Variants in PPP1R1C observed in about 807,000 individuals in gnomAD.
PPP1R1C encodes protein phosphatase 1 regulatory inhibitor subunit 1C.
A neutral mutation model predicts 17.4 loss-of-function variants in PPP1R1C; 15 were observed. The ratio of observed to expected loss-of-function variants is 0.86; its 90% CI spans 0.58 to 1.33. The LOEUF is 1.33. Ranked by LOEUF, PPP1R1C falls within the 40% of genes most tolerant of loss-of-function variation. The pLI is 0.00. For synonymous variants in PPP1R1C, 35 were observed against 43.1 expected, an observed-to-expected ratio of 0.81 and a Z score of 0.73; for missense variants, 143 against 130.0, an observed-to-expected ratio of 1.10 and a Z score of -0.48.
intron 4 of PPP1R1C, among the ~76,000 whole-genome samples, chr2:182,109,528 TG>T (rs952506151): frequency 2.0e-5 from 3 of 152,192 alleles, no homozygotes; most frequent in African/African-American, 7.2e-5. Flanking sequence ...AAGAGTGTAG[TG>T]TCTGAATCTA....
intron 2 of PPP1R1C, among the ~76,000 whole-genome samples, chr2:182,005,875 T>G (rs1433719383): frequency 6.6e-6 from 1 of 152,196 alleles, no homozygotes; most frequent in Non-Finnish European, 1.5e-5. Flanking sequence ...TTCAGTTTAC[T>G]CACATGTAAA....
chr2:181,989,062 A>G lies in PPP1R1C; in HGVS notation c.142+1163A>G, dbSNP rs1325290698. ...TTCTAAAATAAATACAAGTATAAAG[A>G]TAAGTCTTCTCGATTTGGGGGTAAT... On this transcript the variant is annotated intron_variant, in intron 2 of 4. Coordinates refer to ENST00000682840, the MANE Select transcript of PPP1R1C (RefSeq NM_001080545.3). 2.6e-5 allele frequency among the ~76,000 whole-genome samples: 4 copies of G among 152,330 alleles called. No individual in the cohort carries two copies. The East Asian group carries it at 5.8e-4, about 22-fold the overall frequency.
chr2:182,028,055 A>T (rs1686679923), intron 2 of PPP1R1C, among the ~76,000 whole-genome samples: 1 of 128,692 alleles, frequency 7.8e-6, no homozygotes, highest in African/African-American at 3.0e-5. Context: ...ATCGGTGGTG[A>T]TATCCCCTTT....
chr2:182,011,695 G>A (rs1011795784), intron 2 of PPP1R1C, among the ~76,000 whole-genome samples: 10 of 152,026 alleles, frequency 6.6e-5, no homozygotes, highest in African/African-American at 2.2e-4. Flanking sequence ...AGTTCCTTAA[G>A]ATGCATTGTA....
At chr2:182,093,151 C>G (rs988840890) in intron 4 of PPP1R1C, among the ~76,000 whole-genome samples, 2 of 152,146 alleles carry the variant, frequency 1.3e-5, no homozygotes, top group African/African-American at 2.4e-5. Context: ...GTTCCCAAAC[C>G]ACAATTCTTG....
intron 2 of PPP1R1C, among the ~76,000 whole-genome samples, chr2:182,003,157 T>A (rs1012178807): frequency 6.6e-6 from 1 of 152,138 alleles, no homozygotes; most frequent in African/African-American, 2.4e-5. Context: ...GATAAAGATA[T>A]TTGCAATTTG....
At chr2:182,036,685 G>GTC (rs924048841) in intron 2 of PPP1R1C, among the ~76,000 whole-genome samples, 5 of 151,600 alleles carry the variant, frequency 3.3e-5, no homozygotes, top group African/African-American at 7.3e-5. Flanking sequence ...CATTCTCTCT[G>GTC]TCTCTCTCTC....
chr2:182,108,996 C>G (rs190341249), intron 4 of PPP1R1C, among the ~76,000 whole-genome samples: 1 of 152,172 alleles, frequency 6.6e-6, no homozygotes. Flanking sequence ...TCTTCGCTAG[C>G]ATTTCTCAGT....
At position 182,117,676 on chromosome 2, in the gene PPP1R1C, A is replaced by G. The variant is rs144388414; in HGVS notation, c.*381A>G. The G allele has an allele frequency of 0.018, 2,853 of 157,048 alleles. 44 individuals are homozygous for G. The highest frequency in any genetic ancestry group is 0.063 in the South Asian group (350 of 5,512). The allele number at this position is 157,048 out of a possible 1,614,324, so 9.7% of individuals were successfully genotyped here. ...CTTTAAGAGTAAAAAATAAATAGTA[A>G]ACACATTTAGACATGAGTGTGTGTG... On this transcript the variant is annotated 3_prime_UTR_variant, in exon 5 of 5. Coordinates refer to ENST00000682840, the MANE Select transcript of PPP1R1C (RefSeq NM_001080545.3).
At position 181,986,164 on chromosome 2, in the gene PPP1R1C, T is replaced by A. The variant is rs1685291642; in HGVS notation, c.54T>A (p.Ser18Arg). The change falls in exon 1 of 5, where the codon AGT (serine) becomes AGA (arginine). Residue 18 changes from serine (S) to arginine (R), a missense_variant. By Grantham distance (110) the Ser-to-Arg change is moderately radical. Coordinates refer to ENST00000682840, the MANE Select transcript of PPP1R1C (RefSeq NM_001080545.3). ...AGTTTGCCGTGCCTGTATTCCAGAG[T>A]CAGATTGCACCTGAAGCAGCAGAGC... ...KIQFAVPVFQ[S>R]QIAPEAAEQI... 1.2e-6 allele frequency: 2 copies of A among 1,613,638 alleles called. No individual in the cohort carries two copies. The highest frequency in any genetic ancestry group is 1.7e-6 in the Non-Finnish European group (2 of 1,179,640).
At chr2:181,997,122 C>A (rs1041408358) in intron 2 of PPP1R1C, among the ~76,000 whole-genome samples, 1 of 151,420 alleles carries the variant, frequency 6.6e-6, no homozygotes, top group African/African-American at 2.4e-5. Context: ...CCAGCTACTC[C>A]GGAGGCTGAG....
At position 181,961,661 on chromosome 2, in the gene PPP1R1C, G is replaced by A. The variant is rs1203028009; in HGVS notation, n.111+7027G>A. 1.3e-6 allele frequency: 1 copy of A among 754,558 alleles called. No homozygotes were observed. Among genetic ancestry groups the A allele is most frequent in the East Asian group, 2.4e-5 (1 of 40,832 alleles). 46.7% of individuals were successfully genotyped at this position (754,558 alleles called of 1,614,324 possible). A position where few individuals can be genotyped will look rare whatever the true frequency, so the allele number is the denominator to read the frequency against. On this transcript the variant is annotated intron_variant and non_coding_transcript_variant, in intron 1 of 5. Transcript: ENST00000464264. This position sits in a 1 kb window ranked among gnomAD's most constrained non-coding sequence, Gnocchi z 5.8. ...ACCACTGTGGTGCTCTTCTCAATCT[G>A]CTGAGACCAGCACTTGTCCAGCTCC...
At chr2:182,012,669 T>C (rs1686119754) in intron 2 of PPP1R1C, among the ~76,000 whole-genome samples, 2 of 152,096 alleles carry the variant, frequency 1.3e-5, no homozygotes, top group Non-Finnish European at 1.5e-5. Context: ...TCTGGTTGTT[T>C]TGTGGTCTTC....
intron 2 of PPP1R1C, among the ~76,000 whole-genome samples, chr2:181,995,093 A>G (rs80129841): frequency 2.2e-3 from 342 of 152,336 alleles, no homozygotes; most frequent in African/African-American, 7.9e-3. Flanking sequence ...TGCTATCCAC[A>G]TGGAGAAACT....
At chr2:181,986,244 G>A in intron 1 of PPP1R1C, 53 bp downstream of exon 1, 1 of 1,319,456 alleles carries the variant, frequency 7.6e-7, no homozygotes, top group South Asian at 1.2e-5. Flanking sequence ...ATATGAACAT[G>A]CATTCTGGTT....
At chr2:182,123,009 C>A (rs1689771756) in intron 5 of PPP1R1C, among the ~76,000 whole-genome samples, 1 of 152,146 alleles carries the variant, frequency 6.6e-6, no homozygotes, top group African/African-American at 2.4e-5. Context: ...TCCTCTAGCC[C>A]CCCGCCTTGA....
downstream of PPP1R1C, among the ~76,000 whole-genome samples, chr2:182,120,483 C>T (rs985652532): frequency 2.6e-5 from 4 of 152,086 alleles, no homozygotes; most frequent in East Asian, 1.9e-4. Flanking sequence ...ATATCACCAC[C>T]GATCCCCTGA....
At position 182,000,003 on chromosome 2, in the gene PPP1R1C, T is replaced by C. The variant is rs1002017204; in HGVS notation, c.142+12104T>C. Reference sequence around the variant, plus strand: ...CCGATTTGTGCACATACAGTCATCTTCCCTTCCCTTCCATTTTAGTTCTTC... The same window carrying C: ...CCGATTTGTGCACATACAGTCATCTCCCCTTCCCTTCCATTTTAGTTCTTC... On this transcript the variant is annotated intron_variant, in intron 2 of 4. Transcript: ENST00000682840. 3.3e-5 allele frequency among the ~76,000 whole-genome samples: 5 copies of C among 152,184 alleles called. No homozygotes were observed. In the East Asian group the frequency reaches 9.6e-4, roughly 29 times the overall value.
intron 2 of PPP1R1C, among the ~76,000 whole-genome samples, chr2:182,019,398 G>A (rs543194516): frequency 1.3e-5 from 2 of 152,242 alleles, no homozygotes; most frequent in South Asian, 4.1e-4. Flanking sequence ...GCTCTACTGG[G>A]CACAGCTGCT....
Sources: allele counts gnomAD v4.1 joint callset (sites outside exome capture counted in the v4.1 genomes callset), GRCh38; gene constraint gnomAD v4.1.1; non-coding constraint Gnocchi (gnomAD v3.1); transcripts MANE v1.5; gene names NCBI Gene and HGNC (gene_info 2026-07-23, HGNC 2026-07-21).